The following RDX variants were observed in gnomAD, a reference collection of about 807,000 sequenced individuals.
RDX encodes radixin, also known as deafness, autosomal recessive 24.
A neutral mutation model predicts 83.7 loss-of-function variants in RDX; 32 were observed. The ratio of observed to expected loss-of-function variants is 0.38; its 90% CI spans 0.29 to 0.51. The LOEUF (loss-of-function observed/expected upper bound fraction) is 0.51. RDX is among the 20% of genes least tolerant of loss of function. RDX has a pLI of 0.87. For synonymous variants in RDX, 229 were observed against 222.7 expected (o/e 1.03, Z -0.25); for missense variants, 600 against 689.9 (o/e 0.87, Z 1.46).
downstream of RDX, among the ~76,000 whole-genome samples, chr11:110,225,191 C>T (rs1313783492): frequency 1.3e-5 from 2 of 152,118 alleles, no homozygotes; most frequent in Admixed American, 1.3e-4. Context: ...TATTTTTCCT[C>T]TTCAAAAAAA....
intron 15 of RDX, among the ~76,000 whole-genome samples, chr11:110,194,618 T>C (rs1333315415): frequency 1.3e-5 from 2 of 152,224 alleles, no homozygotes; most frequent in African/African-American, 4.8e-5. Context: ...TGAGAAACCA[T>C]AATTTGATAA....
In RDX at chr11:110,183,105, G is replaced by A. The variant is rs116159351; in HGVS notation, c.*32-7871C>T. Among the ~76,000 whole-genome samples, 652 of 152,222 alleles carry A rather than the reference G, an allele frequency of 4.3e-3. 4 individuals are homozygous for A. Among genetic ancestry groups the A allele is most frequent in the African/African-American group, 0.014 (600 of 41,536 alleles). On this transcript the variant is annotated intron_variant, in intron 15 of 15. Transcript: ENST00000528498. ...TGATGACTCAAGCTTGCTAATGTGG[G>A]TTACCCGCACCTTGGTTCAACCACC...
Position 110,237,571 on chromosome 11 carries a change from T to C in RDX, c.1172A>G (p.Lys391Arg). ...TGCCTCTTCAGCAGCTCGACGCTCC[T>C]TTTCAAGTCGTTCTGCTTCTTCTTT... ...RAKEEAERLE[K>R]ERRAAEEAKS... Residue 391 changes from lysine to arginine, a missense_variant, in exon 11 of 14, where the codon AAG becomes AGG. Physicochemically the swap from Lys to Arg is conservative, Grantham distance 26. Transcript: ENST00000645495. 6.2e-7 allele frequency: 1 copy of C among 1,614,138 alleles called. No individual in the cohort carries two copies. Among genetic ancestry groups the C allele is most frequent in the Non-Finnish European group, 8.5e-7 (1 of 1,180,030 alleles).
At chr11:110,261,619 A>T (rs1859809569) in intron 5 of RDX, among the ~76,000 whole-genome samples, 1 of 152,256 alleles carries the variant, frequency 6.6e-6, no homozygotes, top group African/African-American at 2.4e-5. Context: ...TCTAAACAGA[A>T]AATGAAAAAA....
chr11:110,185,793 T>G (rs1862975537), intron 15 of RDX, among the ~76,000 whole-genome samples: 1 of 152,152 alleles, frequency 6.6e-6, no homozygotes, highest in Non-Finnish European at 1.5e-5. Context: ...TCTGTGAAAC[T>G]ATGGCATGGA....
chr11:110,178,376 G>A (rs1046250185), intron 15 of RDX, among the ~76,000 whole-genome samples: 44 of 152,132 alleles, frequency 2.9e-4, no homozygotes, highest in African/African-American at 8.7e-4. Flanking sequence ...TTGACTGATC[G>A]ATCCAGTTGC....
At chr11:110,199,790 T>C (rs1863340042) in intron 14 of RDX, 1 of 692,624 alleles carries the variant, frequency 1.4e-6, no homozygotes, top group Non-Finnish European at 2.6e-6. Context: ...AGGGCGCTCT[T>C]GTCAGCCTGG....
chr11:110,239,730 T>C (rs1865004408), intron 10 of RDX, among the ~76,000 whole-genome samples: 1 of 151,732 alleles, frequency 6.6e-6, no homozygotes, highest in South Asian at 2.1e-4. Flanking sequence ...TTACAAAAAT[T>C]AGCTGGGCAT....
chr11:110,223,903 T>C (rs1383008285), intron 14 of RDX, among the ~76,000 whole-genome samples: 1 of 151,910 alleles, frequency 6.6e-6, no homozygotes, highest in Non-Finnish European at 1.5e-5. Flanking sequence ...AGAAACCCCA[T>C]CTCTACTAAT....
chr11:110,245,044 C>T (rs1859042163), intron 10 of RDX, among the ~76,000 whole-genome samples: 1 of 151,456 alleles, frequency 6.6e-6, no homozygotes, highest in Non-Finnish European at 1.5e-5. Flanking sequence ...GGCTCACTGC[C>T]AACTCTGCCT....
chr11:110,208,631 C>T (rs972895558), intron 14 of RDX, among the ~76,000 whole-genome samples: 2 of 152,190 alleles, frequency 1.3e-5, no homozygotes, highest in African/African-American at 4.8e-5. Context: ...ACAGACTCTT[C>T]TTTGATTTCT....
intron 1 of RDX, among the ~76,000 whole-genome samples, chr11:110,281,928 C>T (rs545935754): frequency 7.2e-6 from 1 of 138,052 alleles, no homozygotes; most frequent in South Asian, 2.4e-4. Flanking sequence ...TGGCAAAACC[C>T]CATCTCTATC....
At position 110,237,568 on chromosome 11, in the gene RDX, T is replaced by C; in HGVS notation, c.1175A>G (p.Glu392Gly). ...CTTTGCCTCTTCAGCAGCTCGACGC[T>C]CCTTTTCAAGTCGTTCTGCTTCTTC... ...AKEEAERLEK[E>G]RRAAEEAKSA... Residue 392 changes from glutamate to glycine, a missense_variant, in exon 11 of 14, where the codon GAG (glutamate) becomes GGG (glycine). By Grantham distance (98) the Glu-to-Gly change is moderately conservative. Coordinates refer to ENST00000645495, the MANE Select transcript of RDX (RefSeq NM_002906.4). The C allele has an allele frequency of 6.2e-7, 1 of 1,614,124 alleles. No homozygotes were observed. The highest frequency in any genetic ancestry group is 8.5e-7 in the Non-Finnish European group (1 of 1,180,032).
intron 2 of RDX, among the ~76,000 whole-genome samples, chr11:110,276,308 C>A (rs898735744): frequency 1.3e-5 from 2 of 152,102 alleles, no homozygotes; most frequent in Non-Finnish European, 2.9e-5. Context: ...TCTGTGCTGT[C>A]ACAAATCAAG....
chr11:110,277,708 TTCAACTGTAAAA>T (rs1565330780), intron 2 of RDX, among the ~76,000 whole-genome samples: 1 of 152,194 alleles, frequency 6.6e-6, no homozygotes, highest in Non-Finnish European at 1.5e-5. Flanking sequence ...TGTGTTATTA[TTCAACTGTAAAA>T]GAACTTTATA....
At chr11:110,211,566 T>C (rs1414921956) in intron 14 of RDX, among the ~76,000 whole-genome samples, 11 of 151,332 alleles carry the variant, frequency 7.3e-5, no homozygotes, top group Non-Finnish European at 1.3e-4. Flanking sequence ...TATTCCAAAA[T>C]TGACCACATA....
chr11:110,264,892 CA>C lies in RDX; in HGVS notation c.97-19del. The C allele has an allele frequency of 1.9e-6, 3 of 1,585,896 alleles. No homozygotes were observed. The highest frequency in any genetic ancestry group is 1.3e-5 in the African/African-American group (1 of 74,378). On this transcript the variant is annotated intron_variant, in intron 3 of 13. Coordinates refer to ENST00000645495, the MANE Select transcript of RDX (RefSeq NM_002906.4). ...TTCACCACCTAAAACACAACAACAA[CA>C]AAAAAACACAATTTCAGTCCAACAT...
At chr11:110,247,650 T>A (rs1859162123) in intron 10 of RDX, 53 bp downstream of exon 10, 2 of 1,583,858 alleles carry the variant, frequency 1.3e-6, no homozygotes, top group Non-Finnish European at 1.7e-6. Flanking sequence ...TACCACTATC[T>A]GACAACAGAG....
intron 2 of RDX, among the ~76,000 whole-genome samples, chr11:110,274,674 T>C (rs537104441): frequency 6.6e-6 from 1 of 152,276 alleles, no homozygotes; most frequent in Non-Finnish European, 1.5e-5. Context: ...GGTATGTATA[T>C]TCTACTTCAA....
Sources: allele counts gnomAD v4.1 joint callset (sites outside exome capture counted in the v4.1 genomes callset), GRCh38; gene constraint gnomAD v4.1.1; transcripts MANE v1.5; gene names NCBI Gene and HGNC (gene_info 2026-07-23, HGNC 2026-07-21).